Variants in VRTN observed in about 807,000 individuals in gnomAD.
VRTN encodes vertebrae development associated.
Under a neutral mutation model 18.2 loss-of-function variants are expected in VRTN, and 5 were observed. The observed-to-expected ratio is 0.27, with a 90% CI of 0.14 to 0.58. VRTN has a LOEUF of 0.58. Among genes scored for constraint, VRTN ranks in the 20% least tolerant of loss-of-function variants. The pLI, the probability that VRTN is intolerant of heterozygous loss-of-function variation, is 0.91. For synonymous variants in VRTN, 381 were observed against 393.7 expected (o/e 0.97, Z 0.38); for missense variants, 741 against 939.4 (o/e 0.79, Z 2.76).
chr14:74,320,921 A>AAGCAGCAGC (rs889641548), intron 1 of VRTN, among the ~76,000 whole-genome samples: 3 of 144,100 alleles, frequency 2.1e-5, no homozygotes, highest in African/African-American at 5.5e-5. Flanking sequence ...AAAAAAAAAA[A>AAGCAGCAGC]AGCAGCAGCA....
At chr14:74,311,417 A>AT (rs397966191) in intron 1 of VRTN, among the ~76,000 whole-genome samples, 5,411 of 139,154 alleles carry the variant, frequency 0.039, 164 homozygotes, top group Admixed American at 0.098. Flanking sequence ...TGCAGCTTGC[A>AT]TTTTTTTTTT....
upstream of VRTN, among the ~76,000 whole-genome samples, chr14:74,345,307 C>T (rs935476757): frequency 2.0e-5 from 3 of 150,496 alleles, no homozygotes; most frequent in East Asian, 2.0e-4. Flanking sequence ...GGCCTCCCAA[C>T]GTGCTGGGAT....
chr14:74,346,757 AT>A (rs2140209333), upstream of VRTN, among the ~76,000 whole-genome samples: 1 of 152,336 alleles, frequency 6.6e-6, no homozygotes, highest in South Asian at 2.1e-4. Flanking sequence ...TTTCCCAATT[AT>A]TCTTAAATAA....
At chr14:74,311,244 T>C (rs1201996048) in intron 1 of VRTN, among the ~76,000 whole-genome samples, 2 of 152,116 alleles carry the variant, frequency 1.3e-5, no homozygotes, top group Admixed American at 1.3e-4. Flanking sequence ...GGGCATATAA[T>C]AAAAAATAAG....
At chr14:74,353,834 T>G (rs1216825779) in intron 1 of VRTN, among the ~76,000 whole-genome samples, 4 of 152,300 alleles carry the variant, frequency 2.6e-5, no homozygotes, top group Non-Finnish European at 5.9e-5. Flanking sequence ...GCCATTCTCC[T>G]GCCTCAGCCT....
At chr14:74,351,790 A>G (rs1567045511) in intron 1 of VRTN, among the ~76,000 whole-genome samples, 1 of 151,590 alleles carries the variant, frequency 6.6e-6, no homozygotes, top group South Asian at 2.1e-4. Context: ...CTGATTACCA[A>G]TTTTTAAACG....
intron 2 of VRTN, among the ~76,000 whole-genome samples, chr14:74,340,611 T>C (rs776574289): frequency 1.4e-4 from 22 of 152,236 alleles, no homozygotes; most frequent in Non-Finnish European, 2.9e-4. Flanking sequence ...GACATCATTG[T>C]ATTCCTGGGG....
At chr14:74,346,690 T>A (rs12588622), upstream of VRTN, among the ~76,000 whole-genome samples, 1 of 152,244 alleles carries the variant, frequency 6.6e-6, no homozygotes, top group African/African-American at 2.4e-5. Context: ...ACAATAGCTG[T>A]CTTTAGATAA....
chr14:74,304,488 A>G (rs1430563224), intron 1 of VRTN, among the ~76,000 whole-genome samples: 2 of 152,134 alleles, frequency 1.3e-5, no homozygotes, highest in East Asian at 3.8e-4. Context: ...TATGACAAAC[A>G]TACCATACAG....
At chr14:74,315,000 G>A (rs1012088838) in intron 1 of VRTN, among the ~76,000 whole-genome samples, 7 of 152,162 alleles carry the variant, frequency 4.6e-5, no homozygotes, top group African/African-American at 1.7e-4. Context: ...TAGGTTTTAT[G>A]GCTGGCTTTG....
At position 74,358,253 on chromosome 14, in the gene VRTN, C is replaced by A. The variant is rs45500395; in HGVS notation, c.1470C>A (p.Asp490Glu). The A allele has an allele frequency of 5.2e-3, 8,400 of 1,611,166 alleles. 91 individuals are homozygous for A. The highest frequency in any genetic ancestry group is 0.038 in the Middle Eastern group (227 of 6,052). ...GGGCAGGGAATGCCACAGGTGAGGA[C>A]CCTCCCGCCCCCGGGGAGCTCCTGC... ...EEGAGNATGE[D>E]PPAPGELLPL... is the part of the protein sequence containing the mutation. Residue 490 changes from aspartate to glutamate, a missense_variant, in exon 2 of 2, where the codon GAC becomes GAA. By Grantham distance (45) the Asp-to-Glu change is conservative (BLOSUM62 2). Around this residue, in one of 3 missense-constraint regions of VRTN, gnomAD observed 494 missense variants for 546.5 expected, o/e 0.90. Transcript: ENST00000256362. This position sits in a 1 kb window ranked among gnomAD's most constrained non-coding sequence, Gnocchi z 5.4.
chr14:74,340,696 CAA>C (rs2085599250), intron 2 of VRTN, among the ~76,000 whole-genome samples: 1 of 152,156 alleles, frequency 6.6e-6, no homozygotes, highest in South Asian at 2.1e-4. Flanking sequence ...AATAAATGCA[CAA>C]GTGAATAAAT....
chr14:74,334,813 A>C (rs1452051106), intron 1 of VRTN, among the ~76,000 whole-genome samples: 1 of 152,224 alleles, frequency 6.6e-6, no homozygotes, highest in Non-Finnish European at 1.5e-5. Context: ...TCCCAGGTAC[A>C]TGCCGCCCAC....
At chr14:74,331,542 TTTTATATATATATATATA>T (rs1273618654) in intron 1 of VRTN, among the ~76,000 whole-genome samples, 858 of 64,912 alleles carry the variant, frequency 0.013, 37 homozygotes, top group East Asian at 0.028. Flanking sequence ...AAAAAAAAAA[TTTTATATATATATATATA>T]TATATATATA....
At chr14:74,310,120 G>A (rs535733251) in intron 1 of VRTN, among the ~76,000 whole-genome samples, 8 of 152,232 alleles carry the variant, frequency 5.3e-5, no homozygotes, top group Admixed American at 2.0e-4. Context: ...GGAGATGGCC[G>A]GGTGCCATGG....
chr14:74,320,420 C>T (rs934761039), intron 1 of VRTN, among the ~76,000 whole-genome samples: 16 of 150,346 alleles, frequency 1.1e-4, no homozygotes, highest in African/African-American at 3.4e-4. Flanking sequence ...GCCGCCACCA[C>T]GCCGGCTAAA....
intron 1 of VRTN, among the ~76,000 whole-genome samples, chr14:74,332,334 T>G (rs1439209221): frequency 9.3e-6 from 1 of 107,950 alleles, no homozygotes; most frequent in East Asian, 3.1e-4. Context: ...ACTCCTAATC[T>G]GTTTTTTTTT....
At chr14:74,318,335 A>C (rs1175011873) in intron 1 of VRTN, among the ~76,000 whole-genome samples, 6 of 146,868 alleles carry the variant, frequency 4.1e-5, no homozygotes, top group Non-Finnish European at 7.5e-5. Flanking sequence ...CAATGGCGTG[A>C]TCTCGGCTCA....
At chr14:74,342,564 C>A (rs1382757737) in intron 2 of VRTN, among the ~76,000 whole-genome samples, 3 of 150,944 alleles carry the variant, frequency 2.0e-5, no homozygotes, top group African/African-American at 7.3e-5. Context: ...AAAGCTCTGA[C>A]AAATCAATAA....
Sources: allele counts gnomAD v4.1 joint callset (sites outside exome capture counted in the v4.1 genomes callset), GRCh38; gene constraint gnomAD v4.1.1; regional missense constraint gnomAD v4.1.1; non-coding constraint Gnocchi (gnomAD v3.1); transcripts MANE v1.5; gene names NCBI Gene and HGNC (gene_info 2026-07-23, HGNC 2026-07-21).